Variants in ZFPM2 observed in about 807,000 individuals in gnomAD.
ZFPM2 encodes zinc finger protein ZFPM2.
In ZFPM2, 20 loss-of-function variants were observed where a neutral mutation model predicts 98.6. The observed-to-expected ratio is 0.20, with a 90% CI of 0.14 to 0.29. ZFPM2 has a LOEUF of 0.29. Among genes scored for constraint, ZFPM2 ranks in the 10% least tolerant of loss-of-function variants. The pLI, the probability that ZFPM2 is intolerant of heterozygous loss-of-function variation, is 1.00. For synonymous variants in ZFPM2, 518 were observed against 502.7 expected (o/e 1.03, Z -0.41); for missense variants, 1,310 against 1,388.6 (o/e 0.94, Z 0.90).
At chr8:105,548,768 A>G (rs1204165189) in intron 3 of ZFPM2, among the ~76,000 whole-genome samples, 3 of 152,014 alleles carry the variant, frequency 2.0e-5, no homozygotes, top group African/African-American at 7.3e-5. Flanking sequence ...GTAAAATTTT[A>G]TCTTATACCT....
At chr8:105,512,079 A>AG (rs1235347175) in intron 3 of ZFPM2, among the ~76,000 whole-genome samples, 1 of 152,158 alleles carries the variant, frequency 6.6e-6, no homozygotes, top group Non-Finnish European at 1.5e-5. Context: ...TGGGAGGCGG[A>AG]GGCTGCAGTG....
intron 1 of ZFPM2, among the ~76,000 whole-genome samples, chr8:105,356,639 T>G (rs1812753012): frequency 6.6e-6 from 1 of 152,242 alleles, no homozygotes; most frequent in Admixed American, 6.5e-5. Context: ...AGTTTGCATG[T>G]GCAGAAATAA....
chr8:105,434,402 T>C (rs1025834400), intron 2 of ZFPM2, among the ~76,000 whole-genome samples: 9 of 152,316 alleles, frequency 5.9e-5, no homozygotes, highest in African/African-American at 2.2e-4. Flanking sequence ...TCTTAAACTT[T>C]AATGTCCTCG....
At position 105,798,704 on chromosome 8, in the gene ZFPM2, T is replaced by C. The variant is rs1297902176; in HGVS notation, c.740-20T>C. 6.3e-7 allele frequency: 1 copy of C among 1,599,642 alleles called. No individual in the cohort carries two copies. The highest frequency in any genetic ancestry group is 1.7e-5 in the Admixed American group (1 of 58,160). The stretch of plus-strand genomic sequence containing the variant: ...TCAAATGGACAGCAGCAAATGTGTC[T>C]CTTGTGTTTTTACCTGCAGAGGATA... On this transcript the variant is annotated intron_variant, in intron 6 of 7. Transcript: ENST00000407775.
intron 5 of ZFPM2, among the ~76,000 whole-genome samples, chr8:105,685,116 T>C (rs1219643489): frequency 6.6e-6 from 1 of 152,082 alleles, no homozygotes; most frequent in Non-Finnish European, 1.5e-5. Context: ...CTAAAAGCAA[T>C]GTCCAGCAAA....
intron 1 of ZFPM2, among the ~76,000 whole-genome samples, chr8:105,319,261 C>T (rs546890981): frequency 6.6e-6 from 1 of 152,244 alleles, no homozygotes; most frequent in South Asian, 2.1e-4. Context: ...TTCCGACCCG[C>T]GCACGCTGCG....
At chr8:105,780,336 G>T (rs149394399) in intron 5 of ZFPM2, 5 of 152,138 alleles carry the variant, frequency 3.3e-5, no homozygotes, top group African/African-American at 1.2e-4. Context: ...TCTAGTTTGC[G>T]CAATATGATC....
chr8:105,444,039 G>C (rs1166423655), intron 2 of ZFPM2, among the ~76,000 whole-genome samples: 1 of 152,006 alleles, frequency 6.6e-6, no homozygotes, highest in African/African-American at 2.4e-5. Context: ...AAATTTACAT[G>C]GAAATGTTTT....
At chr8:105,418,756 G>A (rs1360954560) in intron 1 of ZFPM2, 1 of 490,882 alleles carries the variant, frequency 2.0e-6, no homozygotes, top group Non-Finnish European at 4.0e-6. Context: ...AAAATCTCAG[G>A]TAAAATTGTA....
intron 3 of ZFPM2, among the ~76,000 whole-genome samples, chr8:105,532,250 T>A (rs1283302015): frequency 3.3e-5 from 5 of 152,136 alleles, no homozygotes; most frequent in Admixed American, 3.3e-4. Flanking sequence ...AATGTAATTA[T>A]GAAGAAAAAT....
chr8:105,642,960 G>T (rs564802260), intron 5 of ZFPM2, among the ~76,000 whole-genome samples: 2 of 152,262 alleles, frequency 1.3e-5, no homozygotes, highest in East Asian at 3.9e-4. Context: ...TTTAGTTAAA[G>T]TTGAGAATTT....
At chr8:105,734,229 C>A (rs546176570) in intron 5 of ZFPM2, among the ~76,000 whole-genome samples, 25 of 152,024 alleles carry the variant, frequency 1.6e-4, no homozygotes, top group African/African-American at 5.8e-4. Flanking sequence ...ACCCCACCAG[C>A]GATGACATAT....
intron 5 of ZFPM2, among the ~76,000 whole-genome samples, chr8:105,636,233 A>G (rs755852307): frequency 2.0e-5 from 3 of 152,134 alleles, no homozygotes; most frequent in South Asian, 2.1e-4. Flanking sequence ...TTGGAATTCT[A>G]TGTTTAGTGG....
chr8:105,477,053 T>C (rs1280974380), intron 3 of ZFPM2, among the ~76,000 whole-genome samples: 1 of 152,108 alleles, frequency 6.6e-6, no homozygotes, highest in Non-Finnish European at 1.5e-5. Flanking sequence ...GAAAAGGAAA[T>C]GTTTATAGTA....
chr8:105,670,132 G>C (rs1817562070), intron 5 of ZFPM2: 1 of 152,044 alleles, frequency 6.6e-6, no homozygotes, highest in Non-Finnish European at 1.5e-5. Context: ...ATAAGCACAA[G>C]AATAACTGCA....
Position 105,353,271 on chromosome 8 carries a change from C to G in ZFPM2, c.40+34290C>G, listed in dbSNP as rs546749929. On this transcript the variant is annotated intron_variant, in intron 1 of 7. Transcript: ENST00000407775. ...ACTGTGCTTGGGTCTCCCTGGCACT[C>G]AATTCACTCTGTGTTCTGTTCAGAT... Among the ~76,000 whole-genome samples the G allele has an allele frequency of 2.6e-5, 4 of 152,266 alleles. No individual in the cohort carries two copies. The South Asian group carries it at 8.3e-4, about 32-fold the overall frequency.
At chr8:105,507,766 T>C (rs966282489) in intron 3 of ZFPM2, among the ~76,000 whole-genome samples, 1 of 152,146 alleles carries the variant, frequency 6.6e-6, no homozygotes, top group Non-Finnish European at 1.5e-5. Flanking sequence ...GGAAAAGTTG[T>C]GCTTGTACCC....
intron 4 of ZFPM2, among the ~76,000 whole-genome samples, chr8:105,595,073 T>G (rs1815939834): frequency 6.6e-6 from 1 of 152,088 alleles, no homozygotes; most frequent in Non-Finnish European, 1.5e-5. Flanking sequence ...CTCTGTGGGA[T>G]GTTAGAGAAC....
intron 3 of ZFPM2, among the ~76,000 whole-genome samples, chr8:105,454,706 A>T (rs1812553854): frequency 6.6e-6 from 1 of 152,228 alleles, no homozygotes; most frequent in Admixed American, 6.5e-5. Flanking sequence ...TAAAATTATT[A>T]TCTTATGAAA....
Sources: gnomAD v4.1 joint callset for allele counts (sites outside exome capture counted in the v4.1 genomes callset) on GRCh38, gnomAD v4.1.1 for gene constraint, MANE v1.5 for transcripts, NCBI Gene and HGNC (gene_info 2026-07-23, HGNC 2026-07-21) for gene names.